RAB3GAP1: variants seen among roughly 807,000 people sequenced by gnomAD.
RAB3GAP1 encodes the protein RAB3 GTPase activating protein catalytic subunit 1, also known as rab3 GTPase-activating protein catalytic subunit.
In RAB3GAP1, 86 loss-of-function variants were observed where a neutral mutation model predicts 130.7. That is an observed-to-expected ratio of 0.66 (90% CI 0.55 to 0.79). RAB3GAP1 has a LOEUF of 0.79. RAB3GAP1 is among the 30% of genes least tolerant of loss of function. RAB3GAP1 has a pLI of 0.00. For missense variants in RAB3GAP1, 1,029 were observed against 1,169.4 expected (o/e 0.88, Z 1.75); for synonymous variants, 367 against 401.7 (o/e 0.91, Z 1.03).
intron 3 of RAB3GAP1, among the ~76,000 whole-genome samples, chr2:135,082,560 C>A (rs1319693563): frequency 1.3e-5 from 2 of 151,888 alleles, no homozygotes; most frequent in Admixed American, 1.3e-4. Context: ...CCTGCCTCAG[C>A]CTTCCAAGTT....
Position 135,109,573 on chromosome 2 carries a change from A to AT in RAB3GAP1, c.363-3564dup, listed in dbSNP as rs1295081700. 5.1e-3 allele frequency among the ~76,000 whole-genome samples: 750 copies of AT among 145,712 alleles called. 7 individuals are homozygous for AT. Among genetic ancestry groups the AT allele is most frequent in the Admixed American group, 0.025 (366 of 14,570 alleles). ...TCTTCCCTTTTGCTCTCCAAAAAAA[A>AT]TTTTTTTTTTTTTTAATTTTTTATT... On this transcript the variant is annotated intron_variant, in intron 5 of 23. Coordinates refer to ENST00000264158, the MANE Select transcript of RAB3GAP1 (RefSeq NM_012233.3).
chr2:135,088,522 G>C (rs1245227028), intron 3 of RAB3GAP1, among the ~76,000 whole-genome samples: 1 of 151,486 alleles, frequency 6.6e-6, no homozygotes, highest in Non-Finnish European at 1.5e-5. Flanking sequence ...AACCCTGTCT[G>C]TACTGAAAAT....
rs1691274210 is a variant in RAB3GAP1, at chr2:135,124,025, G to A, written c.749-140G>A. The A allele has an allele frequency of 7.0e-6, 5 of 710,032 alleles. No homozygotes were observed. In the East Asian group the frequency reaches 1.1e-4, roughly 15 times the overall value. The allele number at this position is 710,032 out of a possible 1,614,324, so 44.0% of individuals were successfully genotyped here. On this transcript the variant is annotated intron_variant, in intron 8 of 23. Transcript: ENST00000264158. ...CAAATATTGTTAGACTACATATGCTGTAAGTTGGTCTAACTTGCTAACTTG... is the reference window on the plus strand; with the variant it reads ...CAAATATTGTTAGACTACATATGCTATAAGTTGGTCTAACTTGCTAACTTG...
chr2:135,078,703 C>CCCTCT (rs1689701112), intron 3 of RAB3GAP1, among the ~76,000 whole-genome samples: 1 of 109,884 alleles, frequency 9.1e-6, no homozygotes, highest in African/African-American at 3.9e-5. Context: ...CCCTCCCCTC[C>CCCTCT]CCTCTCCTTT....
intron 17 of RAB3GAP1, among the ~76,000 whole-genome samples, chr2:135,148,679 T>A (rs1692078201): frequency 6.7e-6 from 1 of 148,632 alleles, no homozygotes. Flanking sequence ...TTTTTTTTTT[T>A]TTTTTTTTTT....
chr2:135,117,765 G>GCTTCTTCTTCTT (rs1691065575), intron 7 of RAB3GAP1, among the ~76,000 whole-genome samples: 1 of 30,380 alleles, frequency 3.3e-5, no homozygotes, highest in African/African-American at 1.0e-4. Flanking sequence ...TGCTTCTTCT[G>GCTTCTTCTTCTT]CTGCTTCTTC....
chr2:135,062,155 C>G (rs1574075872), intron 3 of RAB3GAP1, among the ~76,000 whole-genome samples: 1 of 152,216 alleles, frequency 6.6e-6, no homozygotes, highest in Admixed American at 6.5e-5. Flanking sequence ...CTCAGCTGAT[C>G]CGCCCGCCTC....
downstream of RAB3GAP1, among the ~76,000 whole-genome samples, chr2:135,171,827 T>TA (rs1487204222): frequency 2.6e-5 from 4 of 152,016 alleles, no homozygotes; most frequent in Admixed American, 6.6e-5. Flanking sequence ...GGGAGGGGCT[T>TA]ACGAGGCAGT....
chr2:135,096,832 C>T (rs532342166), intron 5 of RAB3GAP1, among the ~76,000 whole-genome samples: 15 of 152,118 alleles, frequency 9.9e-5, no homozygotes, highest in African/African-American at 2.9e-4. Flanking sequence ...AAGATAATGG[C>T]GCCTAGTATG....
chr2:135,079,685 G>A (rs938476939), intron 3 of RAB3GAP1, among the ~76,000 whole-genome samples: 8 of 152,106 alleles, frequency 5.3e-5, no homozygotes, highest in African/African-American at 1.9e-4. Context: ...ATCTACTGAT[G>A]GCCTACTTAT....
At chr2:135,137,417 G>A (rs1336796861) in intron 17 of RAB3GAP1, 7 of 172,044 alleles carry the variant, frequency 4.1e-5, no homozygotes, top group Admixed American at 3.6e-4. Context: ...GGTGAATTTT[G>A]AAGTCTTCAT....
chr2:135,153,696 AC>A lies in RAB3GAP1; in HGVS notation c.2113del (p.Arg705GlyfsTer8). The A allele has an allele frequency of 6.2e-7, 1 of 1,613,928 alleles. No individual in the cohort carries two copies. Among genetic ancestry groups the A allele is most frequent in the Non-Finnish European group, 8.5e-7 (1 of 1,179,916 alleles). Reference protein sequence around the residue: ...SLEDFVRWYSPRDYIEEEVID... With the variant: ...SLEDFVRWYSXRDYIEEEVID... ...TGGAAGATTTTGTGAGGTGGTATTC[AC>A]CCCGGGATTATATTGAAGAGGAGGT... On this transcript the variant is annotated frameshift_variant, in exon 19 of 24. Transcript: ENST00000264158. LOFTEE classifies it high-confidence loss of function.
chr2:135,090,556 A>G (rs541462994), intron 3 of RAB3GAP1, among the ~76,000 whole-genome samples: 2 of 151,132 alleles, frequency 1.3e-5, no homozygotes, highest in African/African-American at 2.5e-5. Context: ...TTGCTGTTCA[A>G]ATGGAAAGAC....
At chr2:135,151,941 A>G (rs965991803) in intron 18 of RAB3GAP1, among the ~76,000 whole-genome samples, 3 of 152,238 alleles carry the variant, frequency 2.0e-5, no homozygotes, top group East Asian at 1.9e-4. Flanking sequence ...AAAGTTCTAT[A>G]TAGTTCCTCT....
chr2:135,126,038 C>G (rs1180776362), intron 9 of RAB3GAP1, 143 bp from the exon 10 acceptor site: 2 of 651,822 alleles, frequency 3.1e-6, no homozygotes, highest in Non-Finnish European at 5.4e-6. Flanking sequence ...CTACCATTTG[C>G]TAAATAAGTT....
chr2:135,093,142 T>C (rs1690191967), intron 4 of RAB3GAP1, among the ~76,000 whole-genome samples: 1 of 152,164 alleles, frequency 6.6e-6, no homozygotes, highest in Non-Finnish European at 1.5e-5. Context: ...TACCTTATCG[T>C]GGATAGTAAT....
At chr2:135,075,444 T>A (rs528162575) in intron 3 of RAB3GAP1, among the ~76,000 whole-genome samples, 17 of 152,354 alleles carry the variant, frequency 1.1e-4, no homozygotes, top group Non-Finnish European at 1.9e-4. Context: ...TATCTTTTTT[T>A]AAAAACTGTA....
chr2:135,152,637 T>C (rs1280888901), intron 18 of RAB3GAP1, among the ~76,000 whole-genome samples: 1 of 152,202 alleles, frequency 6.6e-6, no homozygotes. Context: ...ATTTGTGTTG[T>C]TGACAGTCAG....
chr2:135,137,583 C>T (rs981442130), intron 17 of RAB3GAP1, among the ~76,000 whole-genome samples: 1 of 152,000 alleles, frequency 6.6e-6, no homozygotes, highest in African/African-American at 2.4e-5. Flanking sequence ...CTGAAGTGAC[C>T]TTGATGGACA....
Sources: gnomAD v4.1 joint callset for allele counts (sites outside exome capture counted in the v4.1 genomes callset) on GRCh38, gnomAD v4.1.1 for gene constraint, MANE v1.5 for transcripts, NCBI Gene and HGNC (gene_info 2026-07-23, HGNC 2026-07-21) for gene names.